OXR1: variants seen among roughly 807,000 people sequenced by gnomAD.
OXR1 encodes the protein oxidation resistance protein 1.
Under a neutral mutation model 104.6 loss-of-function variants are expected in OXR1, and 41 were observed. The ratio of observed to expected loss-of-function variants is 0.39; its 90% CI spans 0.31 to 0.51. The LOEUF (loss-of-function observed/expected upper bound fraction) is 0.51, where lower values mean the gene tolerates loss of function less well. OXR1 is among the 20% of genes least tolerant of loss of function. The probability of loss-of-function intolerance (pLI) is 0.77; values close to 1 mark genes in which losing one functional copy is unlikely to be tolerated. For missense variants in OXR1, 955 were observed against 1,031.9 expected (o/e 0.93, Z 1.02); for synonymous variants, 348 against 348.4 (o/e 1.00, Z 0.01).
At chr8:106,291,007 TG>T (rs1187604580) in intron 1 of OXR1, among the ~76,000 whole-genome samples, 4 of 152,204 alleles carry the variant, frequency 2.6e-5, no homozygotes, top group African/African-American at 7.2e-5. Context: ...TGTTCATTGC[TG>T]GGCTATTCAC....
intron 1 of OXR1, among the ~76,000 whole-genome samples, chr8:106,340,147 C>T (rs148138198): frequency 4.6e-4 from 70 of 151,524 alleles, no homozygotes; most frequent in African/African-American, 1.6e-3. Flanking sequence ...TTAACCATAA[C>T]TCCGGTTTTT....
At chr8:106,740,180 A>G (rs945147669) in intron 13 of OXR1, 163 bp from the exon 14 acceptor site, 1 of 533,740 alleles carries the variant, frequency 1.9e-6, no homozygotes, top group Non-Finnish European at 3.3e-6. Context: ...GAAATGTGTA[A>G]TACTTTTCAA....
At chr8:106,710,509 A>G in intron 9 of OXR1, 113 bp from the exon 10 acceptor site, 1 of 576,464 alleles carries the variant, frequency 1.7e-6, no homozygotes, top group Non-Finnish European at 2.8e-6. Flanking sequence ...AGCACCACTA[A>G]AGTGAGGTTT....
intron 7 of OXR1, chr8:106,697,292 A>G: frequency 1.4e-6 from 1 of 734,614 alleles, no homozygotes; most frequent in Non-Finnish European, 2.3e-6. Flanking sequence ...GTGATAGGAC[A>G]GGCTGAACCC....
intron 14 of OXR1, among the ~76,000 whole-genome samples, chr8:106,740,859 A>G (rs1834862672): frequency 6.6e-6 from 1 of 152,154 alleles, no homozygotes; most frequent in South Asian, 2.1e-4. Flanking sequence ...TGAAGTTTTG[A>G]TTAAAGATAA....
chr8:106,419,285 C>T (rs1298082693), intron 2 of OXR1, among the ~76,000 whole-genome samples: 1 of 152,280 alleles, frequency 6.6e-6, no homozygotes, highest in East Asian at 1.9e-4. Flanking sequence ...TCCTAACATT[C>T]TGGTGAGGCA....
chr8:106,618,306 G>A (rs1821411508), intron 3 of OXR1: 2 of 833,284 alleles, frequency 2.4e-6, no homozygotes, highest in East Asian at 2.6e-5. Flanking sequence ...ATGGATCTGT[G>A]ACGATGCAGT....
intron 3 of OXR1, chr8:106,657,843 T>G: frequency 2.4e-6 from 3 of 1,237,548 alleles, no homozygotes; most frequent in Middle Eastern, 2.8e-4. Flanking sequence ...GGACGCCCCC[T>G]CCTCCTCCCC....
chr8:106,646,685 G>A (rs757824996), intron 3 of OXR1, among the ~76,000 whole-genome samples: 1 of 151,894 alleles, frequency 6.6e-6, no homozygotes, highest in Non-Finnish European at 1.5e-5. Flanking sequence ...AAGACAGAGG[G>A]TAAGACCTCC....
At chr8:106,383,188 G>A (rs1817232376) in intron 2 of OXR1, among the ~76,000 whole-genome samples, 1 of 152,066 alleles carries the variant, frequency 6.6e-6, no homozygotes, top group South Asian at 2.1e-4. Flanking sequence ...TATTCTTTGA[G>A]TTGCTTGTAT....
intron 2 of OXR1, among the ~76,000 whole-genome samples, chr8:106,388,137 A>G (rs756612867): frequency 2.6e-5 from 4 of 152,246 alleles, no homozygotes; most frequent in Non-Finnish European, 4.4e-5. Context: ...GGAAAAGGTG[A>G]CAGTGACAAA....
chr8:106,379,459 A>G (rs1817042219), intron 2 of OXR1, among the ~76,000 whole-genome samples: 1 of 151,836 alleles, frequency 6.6e-6, no homozygotes, highest in Non-Finnish European at 1.5e-5. Flanking sequence ...TTTAATTGAT[A>G]TAAACACTGG....
At chr8:106,319,854 A>G (rs1814140049) in intron 1 of OXR1, among the ~76,000 whole-genome samples, 1 of 152,184 alleles carries the variant, frequency 6.6e-6, no homozygotes, top group African/African-American at 2.4e-5. Context: ...TTGATTAGGA[A>G]TAGTTGCAGG....
At chr8:106,414,976 C>G (rs971772467) in intron 2 of OXR1, among the ~76,000 whole-genome samples, 1 of 152,096 alleles carries the variant, frequency 6.6e-6, no homozygotes, top group East Asian at 1.9e-4. Flanking sequence ...AGAAGCCAAA[C>G]GCTGTACTGC....
intron 2 of OXR1, among the ~76,000 whole-genome samples, chr8:106,431,423 C>T (rs901191843): frequency 3.9e-5 from 6 of 152,072 alleles, no homozygotes; most frequent in African/African-American, 1.2e-4. Context: ...GTCAGCTGCC[C>T]ATGTACCTGT....
At chr8:106,555,874 G>A (rs988385166) in intron 3 of OXR1, among the ~76,000 whole-genome samples, 1 of 148,362 alleles carries the variant, frequency 6.7e-6, no homozygotes, top group Admixed American at 6.8e-5. Context: ...ATGTGTGTGT[G>A]TATATATATA....
chr8:106,313,674 A>T (rs898392410), intron 1 of OXR1, among the ~76,000 whole-genome samples: 1 of 152,178 alleles, frequency 6.6e-6, no homozygotes, highest in Non-Finnish European at 1.5e-5. Context: ...TTGTCCAGCC[A>T]TATCATAGCC....
chr8:106,678,803 G>A (rs528831017), intron 3 of OXR1, among the ~76,000 whole-genome samples: 1 of 151,920 alleles, frequency 6.6e-6, no homozygotes, highest in African/African-American at 2.4e-5. Context: ...TTTCCTGTGA[G>A]AACTAATGTT....
chr8:106,702,827 G>T, intron 7 of OXR1, 79 bp from the exon 8 acceptor site: 2 of 1,114,542 alleles, frequency 1.8e-6, no homozygotes, highest in South Asian at 1.7e-5. Context: ...AACATCAGAA[G>T]AAAATTAGTA....
Sources: gnomAD v4.1 joint callset for allele counts (sites outside exome capture counted in the v4.1 genomes callset) on GRCh38, gnomAD v4.1.1 for gene constraint, MANE v1.5 for transcripts, NCBI Gene and HGNC (gene_info 2026-07-23, HGNC 2026-07-21) for gene names.